ZNG1C: variants seen among roughly 807,000 people sequenced by gnomAD.
ZNG1C encodes zinc-regulated GTPase metalloprotein activator 1C.
At chr9:68,256,073 C>T in the ZNG1C span, among the ~76,000 whole-genome samples, 724 of 152,328 alleles carry the variant, frequency 4.8e-3, 12 homozygotes, top group Admixed American at 0.042. Flanking sequence ...TCATTGTTGA[C>T]ACAGAGTGAT....
the ZNG1C span, among the ~76,000 whole-genome samples, chr9:68,292,061 G>C: frequency 6.6e-6 from 1 of 151,984 alleles, no homozygotes; most frequent in African/African-American, 2.4e-5. Context: ...TTGCTGGGTG[G>C]CTAGATTCAG....
the ZNG1C span, among the ~76,000 whole-genome samples, chr9:68,281,625 A>C: frequency 4.4e-4 from 43 of 97,990 alleles, no homozygotes; most frequent in African/African-American, 1.5e-3. Context: ...TACCCCTTGA[A>C]TAGCAGCTTC....
At chr9:68,287,043 A>G in the ZNG1C span, among the ~76,000 whole-genome samples, 2 of 152,248 alleles carry the variant, frequency 1.3e-5, no homozygotes, top group African/African-American at 4.8e-5. Context: ...GAAAAGATGA[A>G]GCAAACGCAG....
At chr9:68,247,723 T>C in the ZNG1C span, 1 of 677,794 alleles carries the variant, frequency 1.5e-6, no homozygotes, top group Non-Finnish European at 2.4e-6. Context: ...AGGAATGTGT[T>C]TACTGTGTAC....
At chr9:68,271,895 G>A in the ZNG1C span, among the ~76,000 whole-genome samples, 2 of 151,132 alleles carry the variant, frequency 1.3e-5, no homozygotes, top group South Asian at 2.1e-4. Context: ...GCAACAGGTC[G>A]GGTAGTGGTG....
At chr9:68,259,750 A>T in the ZNG1C span, among the ~76,000 whole-genome samples, 6 of 152,320 alleles carry the variant, frequency 3.9e-5, no homozygotes, top group East Asian at 1.2e-3. Context: ...ACCTCAAGTG[A>T]TCCACTTGCC....
At chr9:68,266,393 CT>C in the ZNG1C span, 3 of 576,370 alleles carry the variant, frequency 5.2e-6, no homozygotes, top group East Asian at 8.3e-5. Flanking sequence ...CCTGTAGAAA[CT>C]TAAGGTATAA....
At chr9:68,256,725 G>A in the ZNG1C span, among the ~76,000 whole-genome samples, 12 of 133,146 alleles carry the variant, frequency 9.0e-5, no homozygotes, top group Admixed American at 5.6e-4. Flanking sequence ...GAAATGGAAT[G>A]GGTATAAATA....
At chr9:68,256,598 C>A in the ZNG1C span, among the ~76,000 whole-genome samples, 1 of 111,158 alleles carries the variant, frequency 9.0e-6, no homozygotes, top group East Asian at 2.4e-4. Flanking sequence ...CAAAGCCATA[C>A]TGCTCAAATT....
At chr9:68,260,302 T>C in the ZNG1C span, among the ~76,000 whole-genome samples, 2 of 151,730 alleles carry the variant, frequency 1.3e-5, no homozygotes, top group African/African-American at 2.4e-5. Flanking sequence ...AAACTGTTTA[T>C]GTATTTTATG....
chr9:68,281,162 C>T, the ZNG1C span, among the ~76,000 whole-genome samples: 1 of 151,496 alleles, frequency 6.6e-6, no homozygotes, highest in African/African-American at 2.4e-5. Context: ...CCCTGTGCTT[C>T]CCAAGTGAGA....
chr9:68,260,217 CTA>C, the ZNG1C span, among the ~76,000 whole-genome samples: 2 of 148,586 alleles, frequency 1.3e-5, no homozygotes, highest in African/African-American at 4.9e-5. Context: ...TTTGATATAC[CTA>C]TGTGACAGAT....
At chr9:68,250,079 GAAGA>G in the ZNG1C span, among the ~76,000 whole-genome samples, 7 of 129,002 alleles carry the variant, frequency 5.4e-5, no homozygotes, top group African/African-American at 1.9e-4. Context: ...CTTTTCAGAG[GAAGA>G]AAGAAAAACT....
chr9:68,294,169 A>C, the ZNG1C span, among the ~76,000 whole-genome samples: 1 of 145,692 alleles, frequency 6.9e-6, no homozygotes, highest in South Asian at 2.3e-4. Context: ...TCTGGGATAC[A>C]GCAAAGGTGG....
At chr9:68,278,768 AAG>A in the ZNG1C span, among the ~76,000 whole-genome samples, 1 of 844 alleles carries the variant, frequency 1.2e-3, no homozygotes, top group African/African-American at 1.3e-3. Context: ...TGGTGCTGAA[AAG>A]AATGTATATT....
the ZNG1C span, among the ~76,000 whole-genome samples, chr9:68,288,658 T>A: frequency 8.5e-6 from 1 of 117,310 alleles, no homozygotes; most frequent in Non-Finnish European, 1.8e-5. Context: ...TTTTTTTTTT[T>A]TTTTTTTTTT....
At chr9:68,267,248 G>A in the ZNG1C span, among the ~76,000 whole-genome samples, 1 of 152,222 alleles carries the variant, frequency 6.6e-6, no homozygotes, top group Non-Finnish European at 1.5e-5. Flanking sequence ...AATCAATAAA[G>A]GTAAGGCTCA....
the ZNG1C span, among the ~76,000 whole-genome samples, chr9:68,282,166 TGCA>T: frequency 8.0e-6 from 1 of 124,540 alleles, no homozygotes; most frequent in Admixed American, 8.5e-5. Flanking sequence ...CATGGCTTAC[TGCA>T]GCCTCAGCCT....
chr9:68,296,493 G>A, the ZNG1C span, among the ~76,000 whole-genome samples: 7 of 152,360 alleles, frequency 4.6e-5, no homozygotes, highest in East Asian at 5.8e-4. Context: ...GCCTAAATTG[G>A]TCTTTAATAC....
Sources: allele counts gnomAD v4.1 joint callset (sites outside exome capture counted in the v4.1 genomes callset), GRCh38; gene constraint gnomAD v4.1.1; transcripts MANE v1.5; gene names NCBI Gene and HGNC (gene_info 2026-07-23, HGNC 2026-07-21).